The following PAK5 variants were observed in gnomAD, a reference collection of about 807,000 sequenced individuals.
The protein encoded by PAK5 is serine/threonine-protein kinase PAK 5.
A neutral mutation model predicts 65.9 loss-of-function variants in PAK5; 16 were observed. The ratio of observed to expected loss-of-function variants is 0.24; its 90% CI spans 0.16 to 0.37. The LOEUF is 0.37. Ranked by LOEUF, PAK5 falls within the 10% of genes least tolerant of loss-of-function variation. The probability of loss-of-function intolerance (pLI) is 1.00; values close to 1 mark genes in which losing one functional copy is unlikely to be tolerated. For synonymous variants in PAK5, 371 were observed against 354.9 expected, an observed-to-expected ratio of 1.05 and a Z score of -0.51; for missense variants, 785 against 903.9, an observed-to-expected ratio of 0.87 and a Z score of 1.69.
intron 2 of PAK5, among the ~76,000 whole-genome samples, chr20:9,708,097 T>C (rs907566679): frequency 1.3e-5 from 2 of 152,188 alleles, no homozygotes; most frequent in Non-Finnish European, 2.9e-5. Flanking sequence ...TAGAACTCCT[T>C]GGGAACAGGA....
chr20:9,568,924 C>A (rs951444248), intron 4 of PAK5, among the ~76,000 whole-genome samples: 36 of 152,238 alleles, frequency 2.4e-4, no homozygotes, highest in African/African-American at 8.2e-4. Context: ...GAAATTGAGG[C>A]CTTCTGGCAA....
At chr20:9,789,374 G>A (rs1447240322) in intron 1 of PAK5, among the ~76,000 whole-genome samples, 7 of 151,958 alleles carry the variant, frequency 4.6e-5, no homozygotes, top group Admixed American at 3.3e-4. Flanking sequence ...AGATGCCCTC[G>A]CAATTCAAAG....
At chr20:9,808,961 T>C (rs553243752) in intron 1 of PAK5, among the ~76,000 whole-genome samples, 1 of 152,290 alleles carries the variant, frequency 6.6e-6, no homozygotes, top group African/African-American at 2.4e-5. Context: ...GGGAGAAGTA[T>C]ACAGGAATCA....
intron 2 of PAK5, among the ~76,000 whole-genome samples, chr20:9,690,533 GA>G (rs1398408525): frequency 1.3e-5 from 2 of 151,958 alleles, no homozygotes; most frequent in East Asian, 3.9e-4. Flanking sequence ...ATGAGAAAGT[GA>G]GTACCGTGGG....
At chr20:9,667,390 T>C (rs1446849009) in intron 2 of PAK5, among the ~76,000 whole-genome samples, 1 of 100,922 alleles carries the variant, frequency 9.9e-6, no homozygotes, top group Non-Finnish European at 1.9e-5. Flanking sequence ...GACTAGCAGC[T>C]TCCATTCACT....
At chr20:9,688,432 A>T (rs1304418350) in intron 2 of PAK5, among the ~76,000 whole-genome samples, 2 of 152,042 alleles carry the variant, frequency 1.3e-5, no homozygotes, top group African/African-American at 4.8e-5. Context: ...AAACACCTGT[A>T]TGTCCACTCA....
At chr20:9,713,064 G>T (rs945127469) in intron 1 of PAK5, among the ~76,000 whole-genome samples, 1 of 151,938 alleles carries the variant, frequency 6.6e-6, no homozygotes, top group Non-Finnish European at 1.5e-5. Context: ...GGAAACAATC[G>T]ACAAAGTTAA....
rs545234436 is a variant in PAK5 at position 9,640,148 on chromosome 20, T to C, written c.204+3977A>G. ...ATATACATGTGCCATGTTGGTGTGC[T>C]GCACCCATTAACTCATCATTTAGCA... On this transcript the variant is annotated intron_variant, in intron 3 of 9. Transcript: ENST00000353224. 8.6e-5 allele frequency among the ~76,000 whole-genome samples: 13 copies of C among 151,940 alleles called. No individual in the cohort carries two copies. The East Asian group carries it at 2.5e-3, about 30-fold the overall frequency.
intron 3 of PAK5, among the ~76,000 whole-genome samples, chr20:9,635,202 C>G (rs1239302793): frequency 6.6e-6 from 1 of 152,086 alleles, no homozygotes; most frequent in African/African-American, 2.4e-5. Context: ...GAAGAACTTC[C>G]TGCATCCCAA....
chr20:9,803,534 G>A (rs1425311220), intron 1 of PAK5, among the ~76,000 whole-genome samples: 1 of 152,176 alleles, frequency 6.6e-6, no homozygotes, highest in African/African-American at 2.4e-5. Flanking sequence ...AAAAAGAAGA[G>A]TCTAAGAACA....
chr20:9,789,844 A>G (rs956648758), intron 1 of PAK5, among the ~76,000 whole-genome samples: 15 of 152,172 alleles, frequency 9.9e-5, no homozygotes, highest in African/African-American at 3.6e-4. Context: ...GGTTGGCATC[A>G]GTCAAAAATT....
chr20:9,615,322 T>C (rs1600145649), intron 3 of PAK5, among the ~76,000 whole-genome samples: 1 of 152,178 alleles, frequency 6.6e-6, no homozygotes, highest in Non-Finnish European at 1.5e-5. Flanking sequence ...CTATGGACTT[T>C]GAGTGATAAT....
At chr20:9,750,769 C>CATA (rs2048566956) in intron 1 of PAK5, among the ~76,000 whole-genome samples, 1 of 152,100 alleles carries the variant, frequency 6.6e-6, no homozygotes, top group African/African-American at 2.4e-5. Context: ...CTATTAAGGG[C>CATA]CATGATCGCT....
At chr20:9,696,949 T>C (rs1237134402) in intron 2 of PAK5, among the ~76,000 whole-genome samples, 5 of 152,062 alleles carry the variant, frequency 3.3e-5, no homozygotes, top group African/African-American at 9.7e-5. Flanking sequence ...TAAACATTTG[T>C]TGAATGAATG....
chr20:9,716,391 T>G (rs1462016446), intron 1 of PAK5, among the ~76,000 whole-genome samples: 2 of 152,230 alleles, frequency 1.3e-5, no homozygotes, highest in African/African-American at 2.4e-5. Context: ...TCACCTGTCA[T>G]GGAATACAGT....
At chr20:9,685,141 A>G (rs570897260) in intron 2 of PAK5, among the ~76,000 whole-genome samples, 50 of 152,174 alleles carry the variant, frequency 3.3e-4, no homozygotes, top group Non-Finnish European at 6.0e-4. Flanking sequence ...CATGTTCTCT[A>G]GCACACTGAG....
At chr20:9,547,657 GGAGA>G (rs2045365238) in intron 7 of PAK5, among the ~76,000 whole-genome samples, 1 of 152,134 alleles carries the variant, frequency 6.6e-6, no homozygotes, top group African/African-American at 2.4e-5. Context: ...TGAAGAAAGA[GGAGA>G]GAGTGAGGAT....
At chr20:9,637,277 A>AGGCC (rs2046994505) in intron 3 of PAK5, among the ~76,000 whole-genome samples, 1 of 152,164 alleles carries the variant, frequency 6.6e-6, no homozygotes, top group Non-Finnish European at 1.5e-5. Context: ...AGAGTGCTGG[A>AGGCC]TTACAGGCAT....
intron 1 of PAK5, among the ~76,000 whole-genome samples, chr20:9,799,952 A>AAG (rs1160249866): frequency 6.9e-6 from 1 of 145,878 alleles, no homozygotes; most frequent in Non-Finnish European, 1.5e-5. Context: ...AAAAAAAAAA[A>AAG]AAAAAAAAAA....
Sources: allele counts gnomAD v4.1 joint callset (sites outside exome capture counted in the v4.1 genomes callset), GRCh38; gene constraint gnomAD v4.1.1; transcripts MANE v1.5; gene names NCBI Gene and HGNC (gene_info 2026-07-23, HGNC 2026-07-21).